DYNC2H1: variants seen among roughly 807,000 people sequenced by gnomAD.
The protein encoded by DYNC2H1 is dynein cytoplasmic 2 heavy chain 1, also known as cytoplasmic dynein 2 heavy chain 1.
A neutral mutation model predicts 570.0 loss-of-function variants in DYNC2H1; 410 were observed. That is an observed-to-expected ratio of 0.72 (90% CI 0.66 to 0.78). The LOEUF (loss-of-function observed/expected upper bound fraction) is 0.78. Among genes scored for constraint, DYNC2H1 ranks in the 30% least tolerant of loss-of-function variants. The pLI, the probability that DYNC2H1 is intolerant of heterozygous loss-of-function variation, is 0.00. For missense variants in DYNC2H1, 4,865 were observed against 5,046.4 expected (o/e 0.96, Z 1.09); for synonymous variants, 1,688 against 1,677.6 (o/e 1.01, Z -0.15).
At chr11:103,140,806 A>G (rs929526408) in intron 17 of DYNC2H1, among the ~76,000 whole-genome samples, 1 of 152,126 alleles carries the variant, frequency 6.6e-6, no homozygotes, top group African/African-American at 2.4e-5. Context: ...ATGTTTTCCA[A>G]CTTGGTTCCA....
chr11:103,427,238 C>T (rs17308149), intron 84 of DYNC2H1, among the ~76,000 whole-genome samples: 11,720 of 152,128 alleles, frequency 0.077, 673 homozygotes, highest in Non-Finnish European at 0.11. Context: ...AAATAATCCA[C>T]AATTTTTTAA....
intron 36 of DYNC2H1, among the ~76,000 whole-genome samples, chr11:103,175,900 T>G (rs148801538): frequency 6.6e-6 from 1 of 152,286 alleles, no homozygotes; most frequent in East Asian, 1.9e-4. Context: ...ACCTACTTTA[T>G]AGGGTTGTTA....
intron 70 of DYNC2H1, among the ~76,000 whole-genome samples, chr11:103,265,267 G>A (rs1038697905): frequency 6.6e-6 from 1 of 152,150 alleles, no homozygotes; most frequent in East Asian, 1.9e-4. Flanking sequence ...TGCAGGTAGG[G>A]CTTAAAACCT....
At chr11:103,183,844 C>T (rs1861952912) in intron 40 of DYNC2H1, among the ~76,000 whole-genome samples, 1 of 151,720 alleles carries the variant, frequency 6.6e-6, no homozygotes, top group South Asian at 2.1e-4. Flanking sequence ...TTTTTTTAAG[C>T]ACAGCGATGT....
At chr11:103,223,156 ATTATTT>A in intron 59 of DYNC2H1, 70 bp downstream of exon 59, 7 of 1,354,150 alleles carry the variant, frequency 5.2e-6, no homozygotes, top group Non-Finnish European at 5.8e-6. Context: ...TTTAATAATT[ATTATTT>A]TTATTTTTTC....
chr11:103,193,959 A>G (rs11225593), intron 47 of DYNC2H1, among the ~76,000 whole-genome samples: 7,567 of 152,328 alleles, frequency 0.05, 254 homozygotes, highest in Non-Finnish European at 0.072. Flanking sequence ...AGACATAAAA[A>G]TAAACTAGAT....
intron 73 of DYNC2H1, among the ~76,000 whole-genome samples, chr11:103,285,112 A>G (rs952772021): frequency 6.6e-6 from 1 of 152,216 alleles, no homozygotes; most frequent in African/African-American, 2.4e-5. Context: ...TTTGGATTTG[A>G]TACTGTTTTA....
intron 87 of DYNC2H1, among the ~76,000 whole-genome samples, chr11:103,459,068 G>C (rs1944900482): frequency 6.6e-6 from 1 of 151,520 alleles, no homozygotes; most frequent in Non-Finnish European, 1.5e-5. Context: ...CCAGCACTTT[G>C]GGAGGCCGAG....
In DYNC2H1 at chr11:103,121,281, A is replaced by G; in HGVS notation, c.1361-91A>G. 6 of 1,386,422 alleles carry G rather than the reference A, an allele frequency of 4.3e-6. No homozygotes were observed. In the South Asian group the frequency reaches 7.7e-5, roughly 18 times the overall value. The allele number at this position is 1,386,422 out of a possible 1,614,324, so 85.9% of individuals were successfully genotyped here. A position where few individuals can be genotyped will look rare whatever the true frequency, so the allele number is the denominator to read the frequency against. On this transcript the variant is annotated intron_variant, in intron 9 of 88. Transcript: ENST00000375735. The stretch of plus-strand genomic sequence containing the variant: ...GGACCAACTCATTATTTTTCTTTCT[A>G]CAGCATCTGACATAGTGCTTGGTAC...
chr11:103,200,627 A>G (rs1862682024), intron 50 of DYNC2H1, among the ~76,000 whole-genome samples: 1 of 152,188 alleles, frequency 6.6e-6, no homozygotes, highest in African/African-American at 2.4e-5. Context: ...GTATAACTAT[A>G]TAATAGTATG....
At chr11:103,127,628 A>G (rs1859065963) in intron 12 of DYNC2H1, among the ~76,000 whole-genome samples, 1 of 152,230 alleles carries the variant, frequency 6.6e-6, no homozygotes, top group Non-Finnish European at 1.5e-5. Context: ...ACAAAAATTA[A>G]GTTTCCTTAA....
At chr11:103,143,837 G>T (rs551513339) in intron 18 of DYNC2H1, among the ~76,000 whole-genome samples, 14 of 152,210 alleles carry the variant, frequency 9.2e-5, no homozygotes, top group African/African-American at 3.4e-4. Flanking sequence ...GTGGACAAAA[G>T]CCTCTGAGGG....
At chr11:103,196,213 A>G (rs1862502489) in intron 47 of DYNC2H1, among the ~76,000 whole-genome samples, 1 of 152,190 alleles carries the variant, frequency 6.6e-6, no homozygotes, top group African/African-American at 2.4e-5. Flanking sequence ...AGGAGGCAGA[A>G]ACTTATAGCA....
In DYNC2H1 at chr11:103,243,470, T is replaced by G. The variant is rs1436260251; in HGVS notation, c.9820-223T>G. On this transcript the variant is annotated intron_variant, in intron 63 of 88. Transcript: ENST00000375735. This position sits in a 1 kb window ranked among gnomAD's most constrained non-coding sequence, Gnocchi z 4.8. ...TCTCTATACTCTGGCTAAATGTAATTACCTAATATTAACTCCTGGTCACTG... is the reference window on the plus strand; with the variant it reads ...TCTCTATACTCTGGCTAAATGTAATGACCTAATATTAACTCCTGGTCACTG... Among the ~76,000 whole-genome samples the G allele has an allele frequency of 6.6e-6, 1 of 152,148 alleles. No individual in the cohort carries two copies. The highest frequency in any genetic ancestry group is 1.5e-5 in the Non-Finnish European group (1 of 68,006).
chr11:103,388,692 TGA>T (rs1250095930), intron 83 of DYNC2H1, among the ~76,000 whole-genome samples: 2 of 127,082 alleles, frequency 1.6e-5, no homozygotes, highest in African/African-American at 2.9e-5. Flanking sequence ...CCTAATTTAT[TGA>T]GAGTTTTTAG....
chr11:103,323,115 G>A (rs550898092), intron 81 of DYNC2H1, among the ~76,000 whole-genome samples: 14 of 152,242 alleles, frequency 9.2e-5, no homozygotes, highest in African/African-American at 2.4e-4. Context: ...CAGCAAACAC[G>A]GTTTAGATGC....
chr11:103,168,844 G>C lies in DYNC2H1; in HGVS notation c.4852G>C (p.Val1618Leu). ...DVVKQLNQIQ[V>L]HTTEDWAWKK... ...GGTAAAGCAGTTAAACCAAATTCAGGTTCATACAACTGAAGACTGGGCTTG... is the reference window on the plus strand; with the variant it reads ...GGTAAAGCAGTTAAACCAAATTCAGCTTCATACAACTGAAGACTGGGCTTG... Residue 1618 changes from valine (V) to leucine (L), a missense_variant, in exon 32 of 89, where the codon GTT becomes CTT. This residue lies in a region of DYNC2H1 where 1,936 missense variants were observed against 1,962.1 expected (regional missense o/e 0.99). Coordinates refer to ENST00000375735, the MANE Select transcript of DYNC2H1 (RefSeq NM_001377.3). The C allele has an allele frequency of 6.2e-7, 1 of 1,613,152 alleles. No homozygotes were observed. The highest frequency in any genetic ancestry group is 2.2e-5 in the East Asian group (1 of 44,732).
intron 83 of DYNC2H1, among the ~76,000 whole-genome samples, chr11:103,388,503 C>A: frequency 6.6e-6 from 1 of 152,206 alleles, no homozygotes; most frequent in Non-Finnish European, 1.5e-5. Flanking sequence ...ATTTCCTTCT[C>A]CTGCCTGATT....
chr11:103,231,098 A>C (rs1863989408), intron 59 of DYNC2H1, among the ~76,000 whole-genome samples, 162 bp from the exon 60 acceptor site: 1 of 152,162 alleles, frequency 6.6e-6, no homozygotes, highest in African/African-American at 2.4e-5. Context: ...AAACACTTCT[A>C]ATTTTAGCGT....
Sources: gnomAD v4.1 joint callset for allele counts (sites outside exome capture counted in the v4.1 genomes callset) on GRCh38, gnomAD v4.1.1 for gene constraint, gnomAD v4.1.1 regional missense constraint, Gnocchi (gnomAD v3.1) non-coding constraint, MANE v1.5 for transcripts, NCBI Gene and HGNC (gene_info 2026-07-23, HGNC 2026-07-21) for gene names.